FAF2: variants seen among roughly 807,000 people sequenced by gnomAD.
FAF2 encodes Fas associated factor family member 2, also known as FAS-associated factor 2.
Under a neutral mutation model 62.3 loss-of-function variants are expected in FAF2, and 9 were observed. The observed-to-expected ratio is 0.14, with a 90% confidence interval of 0.09 to 0.25. The LOEUF (loss-of-function observed/expected upper bound fraction) is 0.25, where lower values mean the gene tolerates loss of function less well. FAF2 is among the 10% of genes least tolerant of loss of function. FAF2 has a pLI of 1.00. For missense variants in FAF2, 368 were observed against 556.2 expected (o/e 0.66, Z 3.40); for synonymous variants, 202 against 198.0 (o/e 1.02, Z -0.17).
chr5:176,504,059 A>G (rs887536059), intron 10 of FAF2, among the ~76,000 whole-genome samples: 26 of 152,132 alleles, frequency 1.7e-4, no homozygotes, highest in African/African-American at 6.3e-4. Context: ...GTAAGCCGAG[A>G]TCGTGCCACT....
At chr5:176,468,411 C>T (rs373229940) in intron 1 of FAF2, among the ~76,000 whole-genome samples, 2 of 151,842 alleles carry the variant, frequency 1.3e-5, no homozygotes, top group South Asian at 2.1e-4. Flanking sequence ...GGTGAAACCC[C>T]GTCTCTACTA....
At chr5:176,476,949 A>G (rs1429069268) in intron 1 of FAF2, among the ~76,000 whole-genome samples, 1 of 150,916 alleles carries the variant, frequency 6.6e-6, no homozygotes, top group African/African-American at 2.4e-5. Context: ...AGCTGGGACT[A>G]CAGGCGCCCA....
At chr5:176,470,557 A>G (rs575266589) in intron 1 of FAF2, among the ~76,000 whole-genome samples, 6 of 152,394 alleles carry the variant, frequency 3.9e-5, no homozygotes, top group African/African-American at 1.4e-4. Flanking sequence ...AGCCTGGGCA[A>G]CAAAGAGCGA....
intron 1 of FAF2, among the ~76,000 whole-genome samples, chr5:176,455,909 T>C (rs1055819409): frequency 1.3e-5 from 2 of 152,202 alleles, no homozygotes; most frequent in Admixed American, 6.5e-5. Context: ...AATGAAAACA[T>C]GTAAAATGTT....
intron 3 of FAF2, among the ~76,000 whole-genome samples, chr5:176,488,434 T>C (rs777429336): frequency 1.3e-5 from 2 of 152,138 alleles, no homozygotes; most frequent in Admixed American, 6.5e-5. Context: ...TGTTTGTTTG[T>C]TTTTTTGAGA....
At chr5:176,486,917 TTGCTAC>T (rs941620135) in intron 3 of FAF2, among the ~76,000 whole-genome samples, 1 of 152,190 alleles carries the variant, frequency 6.6e-6, no homozygotes, top group African/African-American at 2.4e-5. Flanking sequence ...ACCTGGTATC[TTGCTAC>T]TAGGGATCCA....
At chr5:176,453,836 A>G (rs1409820570) in intron 1 of FAF2, 1 of 152,092 alleles carries the variant, frequency 6.6e-6, no homozygotes, top group Non-Finnish European at 1.5e-5. Context: ...CTGGCAGATC[A>G]CGAGGTCAGG....
At chr5:176,499,292 T>C (rs1253351240) in intron 9 of FAF2, among the ~76,000 whole-genome samples, 1 of 152,178 alleles carries the variant, frequency 6.6e-6, no homozygotes, top group Admixed American at 6.5e-5. Context: ...CATTCTTTTT[T>C]AAATAAAAAT....
chr5:176,475,010 G>GT (rs1486970842), intron 1 of FAF2, among the ~76,000 whole-genome samples: 1 of 152,112 alleles, frequency 6.6e-6, no homozygotes, highest in African/African-American at 2.4e-5. Flanking sequence ...GTTCAGTTGG[G>GT]TTTCCAGCTC....
chr5:176,456,446 CA>C (rs1758278712), intron 1 of FAF2, among the ~76,000 whole-genome samples: 1 of 151,996 alleles, frequency 6.6e-6, no homozygotes, highest in Non-Finnish European at 1.5e-5. Flanking sequence ...GACAACTCAC[CA>C]AAAAAGATAT....
Position 176,487,115 on chromosome 5 carries a change from C to T in FAF2, c.267+626C>T, listed in dbSNP as rs190818987. Among the ~76,000 whole-genome samples the T allele has an allele frequency of 2.0e-3, 302 of 152,298 alleles. 4 individuals carry two copies. The highest frequency in any genetic ancestry group is 7.1e-3 in the African/African-American group (295 of 41,580). On this transcript the variant is annotated intron_variant, in intron 3 of 10. Transcript: ENST00000261942. The stretch of plus-strand genomic sequence containing the variant: ...TTGCATTTAGAATCCTAAGAAAACA[C>T]TCCCTTTAACATTGCAGCAGTTAGA...
At chr5:176,504,214 G>A (rs539421585) in intron 10 of FAF2, among the ~76,000 whole-genome samples, 12 of 151,994 alleles carry the variant, frequency 7.9e-5, no homozygotes, top group Non-Finnish European at 1.2e-4. Flanking sequence ...GGTGGTTCAC[G>A]CCTCTAATCC....
chr5:176,453,994 T>G (rs1758231578), intron 1 of FAF2, among the ~76,000 whole-genome samples: 1 of 151,380 alleles, frequency 6.6e-6, no homozygotes, highest in Admixed American at 6.6e-5. Context: ...AGGCGAAGGT[T>G]GCAGTGATCC....
intron 10 of FAF2, among the ~76,000 whole-genome samples, chr5:176,505,955 C>G (rs905523205): frequency 1.3e-5 from 2 of 151,972 alleles, no homozygotes; most frequent in Admixed American, 1.3e-4. Context: ...CTTTGGGAGG[C>G]CGAGACGGGA....
intron 1 of FAF2, among the ~76,000 whole-genome samples, chr5:176,461,987 A>G (rs921589209): frequency 6.6e-6 from 1 of 152,166 alleles, no homozygotes; most frequent in African/African-American, 2.4e-5. Context: ...AGAAGTAAGC[A>G]TCAGAAAAGC....
At chr5:176,500,544 A>G (rs1755575444) in intron 10 of FAF2, among the ~76,000 whole-genome samples, 1 of 152,162 alleles carries the variant, frequency 6.6e-6, no homozygotes, top group Admixed American at 6.5e-5. Context: ...CCAGTGACCT[A>G]AAAGCACTGA....
chr5:176,456,894 T>C (rs1161062469), intron 1 of FAF2, among the ~76,000 whole-genome samples: 2 of 152,216 alleles, frequency 1.3e-5, no homozygotes, highest in East Asian at 1.9e-4. Flanking sequence ...AACATAGTTA[T>C]ATCTTGGAAA....
At chr5:176,465,161 G>A (rs1397514969) in intron 1 of FAF2, among the ~76,000 whole-genome samples, 1 of 151,866 alleles carries the variant, frequency 6.6e-6, no homozygotes, top group African/African-American at 2.4e-5. Context: ...AAAGTGCTGG[G>A]ATTACAGGCG....
At chr5:176,450,743 C>T (rs1343715530) in intron 1 of FAF2, among the ~76,000 whole-genome samples, 5 of 151,986 alleles carry the variant, frequency 3.3e-5, no homozygotes, top group African/African-American at 1.2e-4. Flanking sequence ...TTAGTAGAGA[C>T]GGGGTTTCAC....
Sources: allele counts gnomAD v4.1 joint callset (sites outside exome capture counted in the v4.1 genomes callset), GRCh38; gene constraint gnomAD v4.1.1; transcripts MANE v1.5; gene names NCBI Gene and HGNC (gene_info 2026-07-23, HGNC 2026-07-21).